Variants in TTLL11 observed in about 807,000 individuals in gnomAD.
TTLL11 encodes tubulin tyrosine ligase like 11.
Under a neutral mutation model 51.7 loss-of-function variants are expected in TTLL11, and 42 were observed. The ratio of observed to expected loss-of-function variants is 0.81; its 90% confidence interval spans 0.64 to 1.05. The LOEUF is 1.05. TTLL11 is among the 50% of genes least tolerant of loss of function. The pLI is 0.00. For missense variants in TTLL11, 799 were observed against 940.4 expected, an observed-to-expected ratio of 0.85 and a Z score of 1.97; for synonymous variants, 381 against 383.5, an observed-to-expected ratio of 0.99 and a Z score of 0.08.
At chr9:121,939,512 T>C (rs1588140711) in intron 6 of TTLL11, among the ~76,000 whole-genome samples, 2 of 151,956 alleles carry the variant, frequency 1.3e-5, no homozygotes, top group Non-Finnish European at 2.9e-5. Context: ...TAAAAGAACA[T>C]AGTGATTCTC....
Position 121,964,400 on chromosome 9 carries a change from C to T in TTLL11, c.1481+9609G>A, listed in dbSNP as rs532794101. ...GCAACCTCTGACTCCTGGGTTCAAG[C>T]GATTCTCCTGCCTTAGCCTCCTGAG... On this transcript the variant is annotated intron_variant, in intron 6 of 8. Transcript: ENST00000321582. 9.2e-5 allele frequency among the ~76,000 whole-genome samples: 14 copies of T among 152,108 alleles called. No individual in the cohort carries two copies. The South Asian group carries it at 1.0e-3, about 11-fold the overall frequency.
At chr9:122,003,703 T>A (rs532775601) in intron 3 of TTLL11, among the ~76,000 whole-genome samples, 1 of 151,160 alleles carries the variant, frequency 6.6e-6, no homozygotes, top group African/African-American at 2.4e-5. Context: ...GTCAGGCTGG[T>A]CTCGAACTCC....
chr9:121,924,881 G>A (rs1465495999), intron 6 of TTLL11, among the ~76,000 whole-genome samples: 1 of 151,756 alleles, frequency 6.6e-6, no homozygotes, highest in African/African-American at 2.4e-5. Context: ...CCCTGAAATA[G>A]TCATTTGTCA....
intron 8 of TTLL11, among the ~76,000 whole-genome samples, chr9:121,830,315 C>G (rs954084443): frequency 1.3e-5 from 2 of 152,158 alleles, no homozygotes; most frequent in African/African-American, 4.8e-5. Flanking sequence ...GATGGAGGGT[C>G]CAGCCCCACA....
At chr9:121,985,580 G>A (rs1427530508) in intron 4 of TTLL11, among the ~76,000 whole-genome samples, 4 of 144,748 alleles carry the variant, frequency 2.8e-5, no homozygotes, top group South Asian at 2.2e-4. Flanking sequence ...GCAGTGGCGC[G>A]ATCTCGGCTC....
At chr9:121,916,212 G>A (rs1840320634) in intron 6 of TTLL11, among the ~76,000 whole-genome samples, 1 of 152,148 alleles carries the variant, frequency 6.6e-6, no homozygotes, top group African/African-American at 2.4e-5. Context: ...TGTCCTTACT[G>A]TACTGATAAG....
Position 121,945,426 on chromosome 9 carries a change from A to G in TTLL11, c.1481+28583T>C, listed in dbSNP as rs758805892. Among the ~76,000 whole-genome samples the G allele has an allele frequency of 1.4e-4, 22 of 152,172 alleles. 1 individual carries two copies. The highest frequency in any genetic ancestry group is 5.9e-5 in the Non-Finnish European group (4 of 68,030). On this transcript the variant is annotated intron_variant, in intron 6 of 8. Transcript: ENST00000321582. The stretch of plus-strand genomic sequence containing the variant: ...GATTGGGAGATTGCTCGGAAGGAAG[A>G]GTGATTTGATCTGATCTGTTCAAGG...
At chr9:122,061,387 A>G (rs1413589965) in intron 1 of TTLL11, among the ~76,000 whole-genome samples, 1 of 152,174 alleles carries the variant, frequency 6.6e-6, no homozygotes, top group African/African-American at 2.4e-5. Flanking sequence ...CTAGTGATGG[A>G]ATTTCAGTGC....
intron 1 of TTLL11, among the ~76,000 whole-genome samples, chr9:122,059,643 T>G (rs972176059): frequency 6.6e-6 from 1 of 152,216 alleles, no homozygotes; most frequent in Non-Finnish European, 1.5e-5. Flanking sequence ...TAGCTTTCTA[T>G]TGCTGCACAA....
chr9:121,997,881 G>T (rs1843327196), intron 3 of TTLL11, among the ~76,000 whole-genome samples: 1 of 152,036 alleles, frequency 6.6e-6, no homozygotes, highest in Non-Finnish European at 1.5e-5. Flanking sequence ...GGGTCTGCCT[G>T]GGTGTCAGCC....
rs534923381 is a variant in TTLL11 at position 121,843,928 on chromosome 9, C to G, written c.1840+16409G>C. On this transcript the variant is annotated intron_variant, in intron 8 of 8. Transcript: ENST00000321582. ...AACTCACATGATCTTCCTGCCTCAG[C>G]CTTCCAAAGTGCTGGGATTACTTGG... 3.9e-5 allele frequency among the ~76,000 whole-genome samples: 6 copies of G among 152,306 alleles called. No homozygotes were observed. In the South Asian group the frequency reaches 6.2e-4, roughly 16 times the overall value.
chr9:121,951,803 C>T (rs1841859475), intron 6 of TTLL11, among the ~76,000 whole-genome samples: 1 of 152,228 alleles, frequency 6.6e-6, no homozygotes, highest in Non-Finnish European at 1.5e-5. Flanking sequence ...CTCCATAGAA[C>T]AGCCCCGAGG....
In TTLL11 at chr9:121,995,462, A is replaced by G. The variant is rs1038639061; in HGVS notation, c.694-5692T>C. On this transcript the variant is annotated intron_variant, in intron 3 of 8. Transcript: ENST00000321582. The surrounding 1 kb of genome is among the most constrained non-coding windows in gnomAD (Gnocchi z 4.4). ...GAAATAGGGAGCTGAGAGAAGAGGT[A>G]GAATCAGGGCACCTGGTGACTGGAC... 1.3e-5 allele frequency among the ~76,000 whole-genome samples: 2 copies of G among 152,170 alleles called. No homozygotes were observed. Among genetic ancestry groups the G allele is most frequent in the African/African-American group, 4.8e-5 (2 of 41,432 alleles).
At chr9:122,081,825 T>C (rs763355179) in intron 1 of TTLL11, among the ~76,000 whole-genome samples, 7 of 152,034 alleles carry the variant, frequency 4.6e-5, no homozygotes, top group Non-Finnish European at 1.0e-4. Context: ...ACAATGCATA[T>C]GAGATAAAAA....
At chr9:121,895,857 GTT>G (rs1839489216) in intron 6 of TTLL11, among the ~76,000 whole-genome samples, 1 of 74,374 alleles carries the variant, frequency 1.3e-5, no homozygotes, top group South Asian at 5.0e-4. Flanking sequence ...GTATGAATGT[GTT>G]GTGTGGGTTT....
chr9:121,979,950 G>C (rs1842793173), intron 4 of TTLL11, among the ~76,000 whole-genome samples: 1 of 151,548 alleles, frequency 6.6e-6, no homozygotes, highest in South Asian at 2.1e-4. Context: ...TCTGCCTGAA[G>C]GCATTACTTA....
intron 4 of TTLL11, among the ~76,000 whole-genome samples, chr9:121,982,581 G>C (rs1163119015): frequency 6.6e-6 from 1 of 151,956 alleles, no homozygotes; most frequent in African/African-American, 2.4e-5. Context: ...AATTCTCTGG[G>C]CGTGGTGGCG....
intron 6 of TTLL11, among the ~76,000 whole-genome samples, chr9:121,948,470 A>G (rs1262501398): frequency 1.3e-5 from 2 of 152,242 alleles, no homozygotes; most frequent in Admixed American, 6.5e-5. Context: ...ATCAAGTAAT[A>G]TCTACCACCT....
chr9:122,025,414 C>T (rs533647227), intron 3 of TTLL11, among the ~76,000 whole-genome samples: 3 of 152,340 alleles, frequency 2.0e-5, no homozygotes, highest in East Asian at 1.9e-4. Flanking sequence ...AGGTGGATCG[C>T]TTGAGCTCAG....
Sources: allele counts gnomAD v4.1 joint callset (sites outside exome capture counted in the v4.1 genomes callset), GRCh38; gene constraint gnomAD v4.1.1; non-coding constraint Gnocchi (gnomAD v3.1); transcripts MANE v1.5; gene names NCBI Gene and HGNC (gene_info 2026-07-23, HGNC 2026-07-21).